ADGRL3: variants seen among roughly 807,000 people sequenced by gnomAD.
The protein encoded by ADGRL3 is calcium-independent alpha-latrotoxin receptor 3.
In ADGRL3, 62 loss-of-function variants were observed where a neutral mutation model predicts 153.5. The observed-to-expected ratio is 0.40, with a 90% confidence interval of 0.33 to 0.50. ADGRL3 has a LOEUF of 0.50. Among genes scored for constraint, ADGRL3 ranks in the 20% least tolerant of loss-of-function variants. The pLI is 0.47. For missense variants in ADGRL3, 1,641 were observed against 1,859.4 expected (o/e 0.88, Z 2.16); for synonymous variants, 710 against 672.5 (o/e 1.06, Z -0.86).
chr4:61,237,845 C>T (rs1753419487), intron 1 of ADGRL3, among the ~76,000 whole-genome samples: 1 of 152,114 alleles, frequency 6.6e-6, no homozygotes, highest in Non-Finnish European at 1.5e-5. Flanking sequence ...ATATCAACAT[C>T]ATACTTAGTG....
At chr4:61,235,111 A>G (rs1752325473) in intron 1 of ADGRL3, among the ~76,000 whole-genome samples, 2 of 152,172 alleles carry the variant, frequency 1.3e-5, no homozygotes, top group Non-Finnish European at 2.9e-5. Context: ...GAAATAAATG[A>G]GAAACGACCT....
At position 61,249,237 on chromosome 4, in the gene ADGRL3, A is replaced by T. The variant is rs575364191; in HGVS notation, c.-240+47472A>T. Among the ~76,000 whole-genome samples, 38 of 152,250 alleles carry T rather than the reference A, an allele frequency of 2.5e-4. No individual in the cohort carries two copies. The South Asian group carries it at 7.9e-3, about 32-fold the overall frequency. On this transcript the variant is annotated intron_variant, in intron 1 of 26. Coordinates refer to ENST00000683033, the MANE Select transcript of ADGRL3 (RefSeq NM_001387552.1). ...AAGCTTTCAACATTGTGTTCGGCAA[A>T]ATCTTTCAGTAAAGGTAACACATTC...
intron 2 of ADGRL3, among the ~76,000 whole-genome samples, chr4:61,384,850 A>G (rs946815123): frequency 2.6e-5 from 4 of 152,214 alleles, no homozygotes; most frequent in Admixed American, 6.6e-5. Context: ...ATATGATTCT[A>G]TTTATATGGT....
intron 21 of ADGRL3, among the ~76,000 whole-genome samples, chr4:62,017,751 T>G (rs1276086943): frequency 6.6e-6 from 1 of 152,168 alleles, no homozygotes; most frequent in Non-Finnish European, 1.5e-5. Context: ...GAAGTAGGCC[T>G]TCAACCCACT....
intron 21 of ADGRL3, among the ~76,000 whole-genome samples, chr4:62,021,565 A>G (rs1234488294): frequency 1.3e-5 from 2 of 152,098 alleles, no homozygotes; most frequent in Non-Finnish European, 2.9e-5. Flanking sequence ...CTTCCCAGAC[A>G]TTGCATTTTT....
At chr4:61,270,843 T>C (rs2093133288) in intron 1 of ADGRL3, among the ~76,000 whole-genome samples, 1 of 151,706 alleles carries the variant, frequency 6.6e-6, no homozygotes, top group South Asian at 2.1e-4. Flanking sequence ...GACTTCATTT[T>C]GGAAGACCTG....
At chr4:61,226,516 T>C (rs991096905) in intron 1 of ADGRL3, among the ~76,000 whole-genome samples, 5 of 152,174 alleles carry the variant, frequency 3.3e-5, no homozygotes, top group African/African-American at 1.2e-4. Flanking sequence ...AACTCAGATT[T>C]TGATGTGGCA....
rs1553895045 is a variant in ADGRL3 at position 61,291,218 on chromosome 4, G to GCACACACGCACACACA, written c.-240+89460_-240+89461insGCACACACACACACAC. On this transcript the variant is annotated intron_variant, in intron 1 of 26. Transcript: ENST00000683033. ...CACACACACACACACACACACACAC[G>GCACACACGCACACACA]CACACACACACACCCCTCTGTGTCC... Among the ~76,000 whole-genome samples, 188 of 134,076 alleles carry GCACACACGCACACACA rather than the reference G, an allele frequency of 1.4e-3. 1 individual carries two copies. The highest frequency in any genetic ancestry group is 4.4e-3 in the African/African-American group (156 of 35,660). The allele number at this position is 134,076 out of a possible 152,430, so 88.0% of individuals were successfully genotyped here. A position where few individuals can be genotyped will look rare whatever the true frequency, so the allele number is the denominator to read the frequency against.
chr4:61,531,995 G>A (rs1267896316), intron 4 of ADGRL3, among the ~76,000 whole-genome samples: 1 of 152,134 alleles, frequency 6.6e-6, no homozygotes, highest in Non-Finnish European at 1.5e-5. Flanking sequence ...GATCATTTTG[G>A]TTCTCTGAGT....
At chr4:62,014,142 G>A (rs1407548427) in intron 21 of ADGRL3, among the ~76,000 whole-genome samples, 4 of 152,108 alleles carry the variant, frequency 2.6e-5, no homozygotes, top group African/African-American at 7.2e-5. Context: ...GAAGATAGTA[G>A]TAAATAGCTC....
At chr4:61,596,408 A>G (rs1381771325) in intron 5 of ADGRL3, among the ~76,000 whole-genome samples, 2 of 152,206 alleles carry the variant, frequency 1.3e-5, no homozygotes, top group African/African-American at 2.4e-5. Context: ...TAAGTTATAA[A>G]AATGAAAGTG....
At chr4:61,475,087 G>A (rs1400553899) in intron 2 of ADGRL3, among the ~76,000 whole-genome samples, 1 of 152,102 alleles carries the variant, frequency 6.6e-6, no homozygotes, top group Non-Finnish European at 1.5e-5. Context: ...TGAAATATAT[G>A]TTTTCCGTAC....
intron 2 of ADGRL3, among the ~76,000 whole-genome samples, chr4:61,421,312 C>T (rs913604223): frequency 2.6e-5 from 4 of 151,336 alleles, no homozygotes; most frequent in Middle Eastern, 6.4e-3. Context: ...CCAGCCTGGG[C>T]GACAGAGCAA....
intron 15 of ADGRL3, among the ~76,000 whole-genome samples, chr4:61,946,309 T>C (rs2098923758): frequency 6.6e-6 from 1 of 152,154 alleles, no homozygotes; most frequent in Non-Finnish European, 1.5e-5. Flanking sequence ...CATTCTCTAA[T>C]TACTAATGAT....
chr4:62,009,977 C>T (rs1262123472), intron 21 of ADGRL3, among the ~76,000 whole-genome samples: 2 of 152,014 alleles, frequency 1.3e-5, no homozygotes, highest in African/African-American at 4.8e-5. Context: ...TCAGAAACAG[C>T]CAAATGGAAG....
At chr4:61,895,971 T>G in intron 11 of ADGRL3, 137 bp downstream of exon 11, 1 of 480,482 alleles carries the variant, frequency 2.1e-6, no homozygotes, top group Non-Finnish European at 3.6e-6. Context: ...CAACCTCTAA[T>G]ATGTTATGAG....
chr4:61,723,927 G>A (rs1039243584), intron 6 of ADGRL3, among the ~76,000 whole-genome samples: 4 of 152,054 alleles, frequency 2.6e-5, no homozygotes, highest in African/African-American at 7.2e-5. Flanking sequence ...CATGAGTTTC[G>A]ATGAGGATGA....
At chr4:61,992,332 GT>G (rs2099106302) in intron 19 of ADGRL3, among the ~76,000 whole-genome samples, 2 of 152,158 alleles carry the variant, frequency 1.3e-5, no homozygotes, top group African/African-American at 4.8e-5. Context: ...TTATAGAACT[GT>G]GAGGTAGGAT....
chr4:61,880,722 TTAAG>T (rs780038312), intron 9 of ADGRL3, among the ~76,000 whole-genome samples: 8 of 152,232 alleles, frequency 5.3e-5, no homozygotes, highest in Non-Finnish European at 1.0e-4. Flanking sequence ...ACGCTGATTA[TTAAG>T]TGTTTTAGAA....
Sources: allele counts gnomAD v4.1 joint callset (sites outside exome capture counted in the v4.1 genomes callset), GRCh38; gene constraint gnomAD v4.1.1; transcripts MANE v1.5; gene names NCBI Gene and HGNC (gene_info 2026-07-23, HGNC 2026-07-21).